CNTN4: variants seen among roughly 807,000 people sequenced by gnomAD.
CNTN4 encodes the protein contactin 4.
Under a neutral mutation model 122.5 loss-of-function variants are expected in CNTN4, and 77 were observed. The observed-to-expected ratio is 0.63, with a 90% CI of 0.52 to 0.76. CNTN4 has a LOEUF of 0.76. CNTN4 is among the 30% of genes least tolerant of loss of function. The pLI is 0.00. For missense variants in CNTN4, 1,256 were observed against 1,259.1 expected, an observed-to-expected ratio of 1.00 and a Z score of 0.04; for synonymous variants, 512 against 447.0, an observed-to-expected ratio of 1.15 and a Z score of -1.83.
At chr3:2,424,405 T>C (rs1402330419) in intron 3 of CNTN4, among the ~76,000 whole-genome samples, 1 of 152,142 alleles carries the variant, frequency 6.6e-6, no homozygotes, top group African/African-American at 2.4e-5. Flanking sequence ...TCATCCTTTT[T>C]TATGGCCGCA....
chr3:2,829,444 C>A (rs2093055446), intron 7 of CNTN4, among the ~76,000 whole-genome samples: 1 of 152,182 alleles, frequency 6.6e-6, no homozygotes, highest in Non-Finnish European at 1.5e-5. Flanking sequence ...TCCATGAGAT[C>A]ATTTAGCTCA....
intron 6 of CNTN4, among the ~76,000 whole-genome samples, chr3:2,772,421 G>A (rs1373041283): frequency 2.0e-5 from 3 of 149,454 alleles, no homozygotes; most frequent in African/African-American, 7.5e-5. Flanking sequence ...AGAGTAAAGA[G>A]TACAGAAAGA....
At chr3:2,406,708 T>G (rs2047051811) in intron 3 of CNTN4, among the ~76,000 whole-genome samples, 2 of 152,218 alleles carry the variant, frequency 1.3e-5, no homozygotes, top group Admixed American at 1.3e-4. Flanking sequence ...CTGTAAAGTT[T>G]GCCTAACAAT....
chr3:2,815,013 C>A (rs1371000188), intron 6 of CNTN4, among the ~76,000 whole-genome samples: 1 of 152,166 alleles, frequency 6.6e-6, no homozygotes, highest in Non-Finnish European at 1.5e-5. Context: ...TGCTACTGAT[C>A]ATTACCCAAG....
intron 2 of CNTN4, among the ~76,000 whole-genome samples, chr3:2,127,377 C>G (rs892421142): frequency 6.6e-6 from 1 of 152,046 alleles, no homozygotes; most frequent in Non-Finnish European, 1.5e-5. Flanking sequence ...TTAATAAACT[C>G]AATATTTGAT....
At chr3:2,175,630 C>G (rs889067922) in intron 2 of CNTN4, among the ~76,000 whole-genome samples, 6 of 152,266 alleles carry the variant, frequency 3.9e-5, no homozygotes, top group East Asian at 1.9e-4. Context: ...TGAGTAGTAA[C>G]TACTGCTTGA....
At chr3:2,771,600 T>A (rs2091103791) in intron 6 of CNTN4, among the ~76,000 whole-genome samples, 1 of 152,192 alleles carries the variant, frequency 6.6e-6, no homozygotes, top group Admixed American at 6.5e-5. Context: ...TATGTTGACA[T>A]ATTTTCTTCC....
intron 11 of CNTN4, among the ~76,000 whole-genome samples, chr3:2,901,262 G>A (rs1305302529): frequency 6.6e-6 from 1 of 152,148 alleles, no homozygotes; most frequent in East Asian, 1.9e-4. Context: ...AGGAACAATT[G>A]TGTCCAATTT....
chr3:2,591,952 A>G (rs938821314), intron 4 of CNTN4, among the ~76,000 whole-genome samples: 4 of 152,022 alleles, frequency 2.6e-5, no homozygotes, highest in African/African-American at 9.7e-5. Flanking sequence ...ATCATAGCTC[A>G]CTGAAACCTC....
chr3:2,388,672 C>T (rs895391664), intron 3 of CNTN4, among the ~76,000 whole-genome samples: 26 of 152,066 alleles, frequency 1.7e-4, no homozygotes, highest in African/African-American at 6.0e-4. Flanking sequence ...TGACAAAACT[C>T]TGTCTCTGCT....
chr3:2,763,946 A>T (rs1296159300), intron 6 of CNTN4, among the ~76,000 whole-genome samples: 4 of 148,534 alleles, frequency 2.7e-5, no homozygotes, highest in Admixed American at 1.3e-4. Flanking sequence ...TTTGCTTAGG[A>T]TTGCCTTGGC....
rs139081792 is a variant in CNTN4, at chr3:2,318,601, A to T, written c.-144-20577A>T. Among the ~76,000 whole-genome samples, 23 of 152,006 alleles carry T rather than the reference A, an allele frequency of 1.5e-4. No homozygotes were observed. In the East Asian group the frequency reaches 4.5e-3, roughly 30 times the overall value. On this transcript the variant is annotated intron_variant, in intron 2 of 24. Transcript: ENST00000418658. Reference sequence around the variant, plus strand: ...TGTGTAGTACTGTCTCTGTGTGCAGATTTACTTTTTATTTTATACGTCTGG... The same window carrying T: ...TGTGTAGTACTGTCTCTGTGTGCAGTTTTACTTTTTATTTTATACGTCTGG...
At chr3:2,274,675 A>G (rs931627251) in intron 2 of CNTN4, among the ~76,000 whole-genome samples, 3 of 152,168 alleles carry the variant, frequency 2.0e-5, no homozygotes, top group African/African-American at 7.2e-5. Context: ...AAAGGTTTCA[A>G]AAGATATCCC....
intron 24 of CNTN4, among the ~76,000 whole-genome samples, chr3:3,054,535 C>A (rs1045909813): frequency 6.6e-6 from 1 of 152,132 alleles, no homozygotes; most frequent in Non-Finnish European, 1.5e-5. Flanking sequence ...TCTTTTTGAG[C>A]AAATACATTC....
chr3:3,055,993 A>G (rs972866802), intron 24 of CNTN4, 127 bp from the exon 25 acceptor site: 4 of 672,090 alleles, frequency 6.0e-6, no homozygotes, highest in Non-Finnish European at 7.8e-6. Context: ...TTTAAAAGCC[A>G]TTAAGACCTT....
intron 2 of CNTN4, among the ~76,000 whole-genome samples, chr3:2,108,569 A>G (rs994155871): frequency 6.6e-6 from 1 of 152,196 alleles, no homozygotes; most frequent in Non-Finnish European, 1.5e-5. Flanking sequence ...ACAGTGGATA[A>G]CAGCTTGAAA....
At chr3:2,138,649 T>A (rs148343957) in intron 2 of CNTN4, among the ~76,000 whole-genome samples, 1 of 152,180 alleles carries the variant, frequency 6.6e-6, no homozygotes, top group African/African-American at 2.4e-5. Flanking sequence ...CCCTTTCTCT[T>A]CCTGCCTGCT....
At chr3:2,100,289 C>A (rs1437572972) in intron 1 of CNTN4, among the ~76,000 whole-genome samples, 1 of 152,322 alleles carries the variant, frequency 6.6e-6, no homozygotes, top group Admixed American at 6.5e-5. Flanking sequence ...TGGCATTTAA[C>A]TGCATGGGAA....
At chr3:2,179,230 C>A (rs1209254790) in intron 2 of CNTN4, among the ~76,000 whole-genome samples, 1 of 151,940 alleles carries the variant, frequency 6.6e-6, no homozygotes, top group African/African-American at 2.4e-5. Context: ...ATTAAGTGCT[C>A]ATATGATTAA....
Sources: allele counts gnomAD v4.1 joint callset (sites outside exome capture counted in the v4.1 genomes callset), GRCh38; gene constraint gnomAD v4.1.1; transcripts MANE v1.5; gene names NCBI Gene and HGNC (gene_info 2026-07-23, HGNC 2026-07-21).